The following KPNA1 variants were observed in gnomAD, a reference collection of about 807,000 sequenced individuals.
KPNA1 encodes the protein karyopherin subunit alpha 1, also known as importin subunit alpha-5.
In KPNA1, 10 loss-of-function variants were observed where a neutral mutation model predicts 70.5. The observed-to-expected ratio is 0.14, with a 90% confidence interval of 0.09 to 0.24. The LOEUF (loss-of-function observed/expected upper bound fraction) is 0.24. Ranked by LOEUF, KPNA1 falls within the 10% of genes least tolerant of loss-of-function variation. The probability of loss-of-function intolerance (pLI) is 1.00; values close to 1 mark genes in which losing one functional copy is unlikely to be tolerated. For missense variants in KPNA1, 397 were observed against 637.9 expected (o/e 0.62, Z 4.07); for synonymous variants, 192 against 221.9 (o/e 0.87, Z 1.20).
intron 12 of KPNA1, among the ~76,000 whole-genome samples, chr3:122,431,437 A>G (rs7638172): frequency 0.53 from 80,633 of 152,086 alleles, 22,034 homozygotes; most frequent in East Asian, 0.77. Context: ...AATTACAGAC[A>G]TGAGCCACCA....
At chr3:122,453,001 C>A (rs552800940) in intron 6 of KPNA1, among the ~76,000 whole-genome samples, 1 of 152,014 alleles carries the variant, frequency 6.6e-6, no homozygotes, top group Non-Finnish European at 1.5e-5. Context: ...GGCTGGAGTG[C>A]GGTGGTGTGA....
At position 122,424,880 on chromosome 3, in the gene KPNA1, A is replaced by G; in HGVS notation, c.*2105T>C. On this transcript the variant is annotated 3_prime_UTR_variant, in exon 14 of 14. Transcript: ENST00000344337. ...TCAGTGCTTCTATTATCCTTCTGAAAGAAGTTATATTTTAATGTGATGTAA... is the reference window on the plus strand; with the variant it reads ...TCAGTGCTTCTATTATCCTTCTGAAGGAAGTTATATTTTAATGTGATGTAA... The G allele has an allele frequency of 6.6e-6, 1 of 152,668 alleles. No individual in the cohort carries two copies. The highest frequency in any genetic ancestry group is 1.9e-4 in the East Asian group (1 of 5,204). 9.5% of individuals were successfully genotyped at this position (152,668 alleles called of 1,614,324 possible).
chr3:122,478,091 G>T (rs1288374443), intron 2 of KPNA1, among the ~76,000 whole-genome samples: 1 of 148,266 alleles, frequency 6.7e-6, no homozygotes, highest in African/African-American at 2.5e-5. Context: ...GAACCAGGGA[G>T]TTGGAGGTTG....
intron 5 of KPNA1, chr3:122,459,895 G>C: frequency 1.0e-6 from 1 of 985,276 alleles, no homozygotes; most frequent in Non-Finnish European, 1.2e-6. Flanking sequence ...TCATCAAGTT[G>C]TATGAATAAT....
intron 1 of KPNA1, among the ~76,000 whole-genome samples, chr3:122,508,787 T>C (rs897679428): frequency 1.3e-5 from 2 of 152,204 alleles, no homozygotes; most frequent in South Asian, 4.1e-4. Context: ...AATTCAGTTT[T>C]TGGCACTTCA....
chr3:122,464,573 T>C (rs2076360362), intron 3 of KPNA1, among the ~76,000 whole-genome samples: 2 of 152,218 alleles, frequency 1.3e-5, no homozygotes, highest in Admixed American at 6.5e-5. Context: ...CAATACTTAT[T>C]GAGTGAGTAA....
chr3:122,495,778 T>A (rs2076753413), intron 2 of KPNA1, among the ~76,000 whole-genome samples: 2 of 151,632 alleles, frequency 1.3e-5, no homozygotes, highest in Non-Finnish European at 2.9e-5. Context: ...TTTCATTTCT[T>A]TGCCGAATGT....
intron 2 of KPNA1, among the ~76,000 whole-genome samples, chr3:122,490,873 A>C (rs1213923155): frequency 1.3e-5 from 2 of 152,148 alleles, no homozygotes; most frequent in Non-Finnish European, 2.9e-5. Flanking sequence ...TCTTAAACTA[A>C]AAGTATCAGG....
At chr3:122,454,354 G>A (rs1180706454) in intron 5 of KPNA1, among the ~76,000 whole-genome samples, 2 of 152,116 alleles carry the variant, frequency 1.3e-5, no homozygotes, top group Non-Finnish European at 2.9e-5. Context: ...TTCTAAAAGC[G>A]TTAAAAAGGA....
At chr3:122,437,926 A>G (rs909644723) in intron 10 of KPNA1, among the ~76,000 whole-genome samples, 11 of 152,268 alleles carry the variant, frequency 7.2e-5, no homozygotes, top group African/African-American at 2.7e-4. Flanking sequence ...AGCTATTTAT[A>G]AAGTTTATAA....
At chr3:122,458,474 A>G (rs1028022764) in intron 5 of KPNA1, among the ~76,000 whole-genome samples, 1 of 152,236 alleles carries the variant, frequency 6.6e-6, no homozygotes, top group Non-Finnish European at 1.5e-5. Flanking sequence ...GAAGCCAGAA[A>G]GAACATAAAA....
intron 9 of KPNA1, among the ~76,000 whole-genome samples, chr3:122,445,340 A>T (rs1461693240): frequency 2.6e-5 from 4 of 152,234 alleles, no homozygotes; most frequent in African/African-American, 9.6e-5. Flanking sequence ...TAAAGTGTGA[A>T]GACAAGATTA....
chr3:122,502,250 G>A (rs1217504638), intron 1 of KPNA1, among the ~76,000 whole-genome samples: 1 of 152,186 alleles, frequency 6.6e-6, no homozygotes, highest in African/African-American at 2.4e-5. Flanking sequence ...GATCTACTGA[G>A]AGAGACTGAA....
intron 12 of KPNA1, among the ~76,000 whole-genome samples, chr3:122,430,828 C>G (rs1263803811): frequency 6.6e-6 from 1 of 152,152 alleles, no homozygotes; most frequent in Non-Finnish European, 1.5e-5. Context: ...CTTTGTGTCA[C>G]TCGTGAGCTT....
chr3:122,459,874 A>G, intron 5 of KPNA1: 9 of 985,470 alleles, frequency 9.1e-6, no homozygotes, highest in Non-Finnish European at 1.1e-5. Flanking sequence ...GAGAGAAAAC[A>G]TCAAGGCAAA....
chr3:122,459,088 T>A (rs566496663), intron 5 of KPNA1, among the ~76,000 whole-genome samples: 3 of 152,304 alleles, frequency 2.0e-5, no homozygotes, highest in Admixed American at 6.5e-5. Flanking sequence ...AATTAGAGAT[T>A]TCTGAAGGCT....
rs750903558 is a variant in KPNA1, at chr3:122,424,542, CCT to C, written c.*2441_*2442del. ...ATGAACTTCTAGGACAAGATAAATT[CCT>C]CTGTTTTAGACACAAAATAGATCAC... is the stretch of plus-strand genomic sequence containing the variant. On this transcript the variant is annotated 3_prime_UTR_variant, in exon 14 of 14. Coordinates refer to ENST00000344337, the MANE Select transcript of KPNA1 (RefSeq NM_002264.4). The C allele has an allele frequency of 7.9e-5, 12 of 152,562 alleles. No individual in the cohort carries two copies. The highest frequency in any genetic ancestry group is 1.5e-4 in the Non-Finnish European group (10 of 68,026). 9.5% of individuals were successfully genotyped at this position (152,562 alleles called of 1,614,324 possible). A position where few individuals can be genotyped will look rare whatever the true frequency, so the allele number is the denominator to read the frequency against.
chr3:122,460,644 A>T, intron 5 of KPNA1: 1 of 678,920 alleles, frequency 1.5e-6, no homozygotes, highest in Non-Finnish European at 1.8e-6. Context: ...CTCAAGAAAA[A>T]GAAGAAAAAA....
Position 122,462,549 on chromosome 3 carries a change from C to T in KPNA1, c.338-1231G>A, listed in dbSNP as rs576248752. Among the ~76,000 whole-genome samples the T allele has an allele frequency of 4.1e-5, 6 of 147,734 alleles. No individual in the cohort carries two copies. In the South Asian group the frequency reaches 1.3e-3, roughly 32 times the overall value. On this transcript the variant is annotated intron_variant, in intron 4 of 13. Transcript: ENST00000344337. ...AGAGGTATGCTGGCAAACCAGAATA[C>T]ATGCAGGAAGGTAGCAGAATGGTGA... is the stretch of plus-strand genomic sequence containing the variant.
Sources: gnomAD v4.1 joint callset for allele counts (sites outside exome capture counted in the v4.1 genomes callset) on GRCh38, gnomAD v4.1.1 for gene constraint, MANE v1.5 for transcripts, NCBI Gene and HGNC (gene_info 2026-07-23, HGNC 2026-07-21) for gene names.